Variants in RAI2 observed in about 807,000 individuals in gnomAD.
RAI2 encodes the protein retinoic acid induced 2.
A neutral mutation model predicts 15.3 loss-of-function variants in RAI2; 5 were observed. The observed-to-expected ratio is 0.33, with a 90% CI of 0.17 to 0.69. The LOEUF (loss-of-function observed/expected upper bound fraction) is 0.69, where lower values mean the gene tolerates loss of function less well. Ranked by LOEUF, RAI2 falls within the 30% of genes least tolerant of loss-of-function variation. The pLI, the probability that RAI2 is intolerant of heterozygous loss-of-function variation, is 0.69. For synonymous variants in RAI2, 191 were observed against 184.0 expected, an observed-to-expected ratio of 1.04 and a Z score of -0.31; for missense variants, 424 against 424.7, an observed-to-expected ratio of 1.00 and a Z score of 0.01.
At chrX:17,857,240 G>A (rs912732665) in intron 1 of RAI2, among the ~76,000 whole-genome samples, 3 of 111,407 alleles carry the variant, frequency 2.7e-5, no homozygotes, top group Admixed American at 1.9e-4. Flanking sequence ...CTCATTCTCT[G>A]AGGTCTCCCT....
rs183582453 is a variant in RAI2 at position 17,855,894 on chromosome X, G to C, written c.-25+5204C>G. ...ATTTTGGATTCTTTTTTTGTATTAA[G>C]TCACAGAAATCCCATGCATCTGTTA... is the stretch of plus-strand genomic sequence containing the variant. On this transcript the variant is annotated intron_variant, in intron 1 of 1. Transcript: ENST00000451717. Among the ~76,000 whole-genome samples, 68 of 112,127 alleles carry C rather than the reference G, an allele frequency of 6.1e-4. 2 individuals carry two copies. Among genetic ancestry groups the C allele is most frequent in the Admixed American group, 4.8e-3 (51 of 10,651 alleles).
chrX:17,803,394 C>T (rs957655064), intron 1 of RAI2, among the ~76,000 whole-genome samples: 2 of 110,139 alleles, frequency 1.8e-5, no homozygotes, highest in Admixed American at 1.9e-4. Flanking sequence ...GGCATGATGT[C>T]GCACGCCTGT....
chrX:17,825,994 TTCCC>T (rs373966876), intron 1 of RAI2, among the ~76,000 whole-genome samples: 3 of 112,466 alleles, frequency 2.7e-5, no homozygotes, highest in African/African-American at 9.7e-5. Context: ...ACAGTGACTA[TTCCC>T]TCCTTCTTTT....
chrX:17,837,184 G>A (rs1357584405), intron 1 of RAI2, among the ~76,000 whole-genome samples: 1 of 111,557 alleles, frequency 9.0e-6, no homozygotes, highest in Admixed American at 9.5e-5. Flanking sequence ...ACAGATAGGT[G>A]GAGGTGAGTA....
chrX:17,853,044 T>TG (rs1311064784), intron 1 of RAI2, among the ~76,000 whole-genome samples: 4 of 80,371 alleles, frequency 5.0e-5, no homozygotes, highest in African/African-American at 2.0e-4. Context: ...GAAATGACAG[T>TG]GGGGAGGGGC....
At chrX:17,819,419 A>T (rs1414717492) in intron 1 of RAI2, among the ~76,000 whole-genome samples, 1 of 112,604 alleles carries the variant, frequency 8.9e-6, no homozygotes, top group East Asian at 2.8e-4. Context: ...ACTTTGGAGA[A>T]CTGTCTCACA....
At position 17,800,296 on chromosome X, in the gene RAI2, C is replaced by G; in HGVS notation, c.*122G>C. On this transcript the variant is annotated 3_prime_UTR_variant, in exon 2 of 2. Transcript: ENST00000451717. ...TACAGGGCCTCTAGAGCCAATTCAC[C>G]TTTCCATTTCCCAACTACTCCCCAA... 1.0e-6 allele frequency: 1 copy of G among 975,118 alleles called. No individual in the cohort carries two copies. 80.4% of individuals were successfully genotyped at this position (975,118 alleles called of 1,213,427 possible).
intron 1 of RAI2, among the ~76,000 whole-genome samples, chrX:17,844,791 G>T (rs1434137553): frequency 1.8e-5 from 2 of 112,342 alleles, no homozygotes; most frequent in Non-Finnish European, 3.8e-5. Context: ...GCTTCCAGGG[G>T]CTGGTGCAGT....
chrX:17,856,272 G>A (rs1009945959), intron 1 of RAI2, among the ~76,000 whole-genome samples: 11 of 112,050 alleles, frequency 9.8e-5, no homozygotes, highest in African/African-American at 3.6e-4. Flanking sequence ...GAATGTGTCT[G>A]TCCCCTCCAA....
At chrX:17,806,863 G>T (rs1405082317) in intron 1 of RAI2, among the ~76,000 whole-genome samples, 1 of 110,375 alleles carries the variant, frequency 9.1e-6, no homozygotes, top group Non-Finnish European at 1.9e-5. Context: ...GGCAAGAGGT[G>T]GGGGGAGGTG....
chrX:17,814,247 G>A (rs769478289), intron 1 of RAI2, among the ~76,000 whole-genome samples: 30 of 105,021 alleles, frequency 2.9e-4, no homozygotes, highest in Non-Finnish European at 4.3e-4. Context: ...TTATTCACCC[G>A]CCCCCATCCA....
chrX:17,847,074 C>G (rs192570137), intron 1 of RAI2, among the ~76,000 whole-genome samples: 63 of 111,933 alleles, frequency 5.6e-4, no homozygotes, highest in African/African-American at 1.7e-3. Flanking sequence ...GCCTCCCCAG[C>G]CATGTGGAAC....
At chrX:17,808,106 C>G (rs1221419371) in intron 1 of RAI2, among the ~76,000 whole-genome samples, 1 of 111,374 alleles carries the variant, frequency 9.0e-6, no homozygotes, top group African/African-American at 3.3e-5. Context: ...TTTTTTTTAT[C>G]TCATCAGCTA....
chrX:17,800,648 T>C lies in RAI2; in HGVS notation c.1363A>G (p.Ile455Val), dbSNP rs768983289. Residue 455 changes from isoleucine (I) to valine (V), a missense_variant, in exon 2 of 2, where the codon ATC becomes GTC. By Grantham distance (29) the Ile-to-Val change is conservative (BLOSUM62 3). Transcript: ENST00000451717. Reference protein sequence around the residue: ...DAVPTIFCGKIKGLSGVSTKN... With the variant: ...DAVPTIFCGKVKGLSGVSTKN... Reference sequence around the variant, plus strand: ...GTGGACACCCCTGAGAGGCCTTTGATCTTGCCACAGAATATGGTAGGCACA... The same window carrying C: ...GTGGACACCCCTGAGAGGCCTTTGACCTTGCCACAGAATATGGTAGGCACA... 2.6e-5 allele frequency: 32 copies of C among 1,209,734 alleles called. 1 individual carries two copies. The South Asian group carries it at 5.6e-4, about 21-fold the overall frequency.
chrX:17,823,912 A>T (rs940887855), intron 1 of RAI2, among the ~76,000 whole-genome samples: 1 of 111,500 alleles, frequency 9.0e-6, no homozygotes, highest in African/African-American at 3.3e-5. Flanking sequence ...TATCCTGGCC[A>T]GTCTTCAGGA....
intron 1 of RAI2, among the ~76,000 whole-genome samples, chrX:17,817,287 C>T (rs768904970): frequency 2.7e-4 from 30 of 111,058 alleles, no homozygotes; most frequent in Non-Finnish European, 4.7e-4. Context: ...CCCCAGAACC[C>T]ACTGGCTTTC....
intron 1 of RAI2, among the ~76,000 whole-genome samples, chrX:17,824,337 G>A (rs982129904): frequency 8.9e-6 from 1 of 112,415 alleles, no homozygotes; most frequent in Non-Finnish European, 1.9e-5. Context: ...ACACTCTAGG[G>A]CAATGGTGCT....
intron 1 of RAI2, among the ~76,000 whole-genome samples, chrX:17,839,909 T>C (rs931314704): frequency 1.8e-5 from 2 of 112,228 alleles, no homozygotes; most frequent in Non-Finnish European, 3.8e-5. Flanking sequence ...AAGAAGTCAT[T>C]TGGCAGGAGA....
intron 1 of RAI2, among the ~76,000 whole-genome samples, chrX:17,836,727 C>T (rs2067339184): frequency 8.9e-6 from 1 of 112,127 alleles, no homozygotes; most frequent in Non-Finnish European, 1.9e-5. Flanking sequence ...TTTGCAAAAT[C>T]CCCAGACAAA....
Sources: allele counts gnomAD v4.1 joint callset (sites outside exome capture counted in the v4.1 genomes callset), GRCh38; gene constraint gnomAD v4.1.1; transcripts MANE v1.5; gene names NCBI Gene and HGNC (gene_info 2026-07-23, HGNC 2026-07-21).